UGGT1: variants seen among roughly 807,000 people sequenced by gnomAD.
The protein encoded by UGGT1 is UDP-glucose glycoprotein glucosyltransferase 1.
UGGT1 carries 107 observed loss-of-function variants against 203.9 expected under a neutral mutation model. The observed-to-expected ratio is 0.52, with a 90% CI of 0.45 to 0.62. The LOEUF is 0.62. Among genes scored for constraint, UGGT1 ranks in the 20% least tolerant of loss-of-function variants. UGGT1 has a pLI of 0.00. For missense variants in UGGT1, 1,673 were observed against 1,867.2 expected (o/e 0.90, Z 1.92); for synonymous variants, 628 against 653.5 (o/e 0.96, Z 0.59).
chr2:128,121,040 A>G lies in UGGT1; in HGVS notation c.974-159A>G, dbSNP rs539998352. On this transcript the variant is annotated intron_variant, in intron 9 of 40. Transcript: ENST00000259253. ...AATACTCCAGAGATCTTTGAAGTGA[A>G]TAAAACCTGAAATTAAATCATGGGC... 4.6e-5 allele frequency among the ~76,000 whole-genome samples: 7 copies of G among 152,360 alleles called. No individual in the cohort carries two copies. The East Asian group carries it at 5.8e-4, about 13-fold the overall frequency.
rs61353741 is a variant in UGGT1, at chr2:128,126,684, C to CTTTTT, written c.1135-663_1135-659dup. On this transcript the variant is annotated intron_variant, in intron 11 of 40. Transcript: ENST00000259253. The stretch of plus-strand genomic sequence containing the variant: ...TGCTATTCACCAGCTCAGGGTCAGT[C>CTTTTT]TTTTTTTTTTTTTTTTTTGAGACAG... Among the ~76,000 whole-genome samples the CTTTTT allele has an allele frequency of 8.9e-4, 107 of 119,694 alleles. 4 individuals carry two copies. The highest frequency in any genetic ancestry group is 1.2e-3 in the Non-Finnish European group (73 of 60,468). The allele number at this position is 119,694 out of a possible 152,430, so 78.5% of individuals were successfully genotyped here. A position where few individuals can be genotyped will look rare whatever the true frequency, so the allele number is the denominator to read the frequency against.
Position 128,187,535 on chromosome 2 carries a change from A to C in UGGT1, c.4563A>C (p.Lys1521Asn). The change falls in exon 40 of 41, where the codon AAA becomes AAC. Residue 1521 changes from lysine to asparagine, a missense_variant. This residue lies in a region of UGGT1 where 513 missense variants were observed against 684.1 expected (regional missense o/e 0.75). Coordinates refer to ENST00000259253, the MANE Select transcript of UGGT1 (RefSeq NM_020120.4). ...PEWQDYDQEI[K>N]QLQIRFQKEK... Reference sequence around the variant, plus strand: ...GGCAGGACTACGACCAAGAGATCAAACAGCTACAGATCCGCTTTCAGAAGG... The same window carrying C: ...GGCAGGACTACGACCAAGAGATCAACCAGCTACAGATCCGCTTTCAGAAGG... 1 of 1,614,216 alleles carries C rather than the reference A, an allele frequency of 6.2e-7. No homozygotes were observed. Among genetic ancestry groups the C allele is most frequent in the Non-Finnish European group, 8.5e-7 (1 of 1,180,036 alleles).
intron 22 of UGGT1, among the ~76,000 whole-genome samples, chr2:128,159,093 C>CTT (rs753907632): frequency 9.0e-4 from 99 of 110,438 alleles, no homozygotes; most frequent in African/African-American, 2.4e-3. Flanking sequence ...CTATCTGAGA[C>CTT]TTTTTTTTTT....
At position 128,112,454 on chromosome 2, in the gene UGGT1, T is replaced by TTATACA. The variant is rs1553433489; in HGVS notation, c.522-626_522-625insCATATA. 2.2e-4 allele frequency among the ~76,000 whole-genome samples: 12 copies of TTATACA among 55,806 alleles called. 3 individuals carry two copies. The highest frequency in any genetic ancestry group is 3.4e-4 in the Non-Finnish European group (9 of 26,602). The allele number at this position is 55,806 out of a possible 152,430, so 36.6% of individuals were successfully genotyped here. A position where few individuals can be genotyped will look rare whatever the true frequency, so the allele number is the denominator to read the frequency against. On this transcript the variant is annotated intron_variant, in intron 5 of 40. Transcript: ENST00000259253. ...AAAAAACCCCCCAAAAAATACTATG[T>TTATACA]TATATATATATATATATATTACATA...
intron 38 of UGGT1, among the ~76,000 whole-genome samples, chr2:128,185,040 G>T (rs1691901756): frequency 6.6e-6 from 1 of 152,008 alleles, no homozygotes; most frequent in African/African-American, 2.4e-5. Context: ...AGCTACTATG[G>T]ATCTGATTCT....
At chr2:128,126,980 G>C (rs1309419811) in intron 11 of UGGT1, among the ~76,000 whole-genome samples, 1 of 152,114 alleles carries the variant, frequency 6.6e-6, no homozygotes, top group Non-Finnish European at 1.5e-5. Context: ...TCTGTGCCTG[G>C]CCTGGATCAG....
chr2:128,152,637 G>C, intron 18 of UGGT1, 147 bp from the exon 19 acceptor site: 1 of 1,094,286 alleles, frequency 9.1e-7, no homozygotes, highest in Non-Finnish European at 1.3e-6. Context: ...CAGTGACAGG[G>C]ACCAATAACA....
intron 31 of UGGT1, among the ~76,000 whole-genome samples, chr2:128,176,310 G>T (rs1306282193): frequency 6.6e-6 from 1 of 151,488 alleles, no homozygotes; most frequent in Non-Finnish European, 1.5e-5. Flanking sequence ...CTACCTGAAG[G>T]CTGAAGCAGG....
At chr2:128,123,079 G>A in intron 10 of UGGT1, 107 bp from the exon 11 acceptor site, 1 of 810,254 alleles carries the variant, frequency 1.2e-6, no homozygotes, top group Non-Finnish European at 1.8e-6. Flanking sequence ...TTCCCATTCA[G>A]TTTTTTCTAA....
At chr2:128,162,397 G>C (rs866315229) in intron 25 of UGGT1, among the ~76,000 whole-genome samples, 1 of 151,558 alleles carries the variant, frequency 6.6e-6, no homozygotes, top group Non-Finnish European at 1.5e-5. Flanking sequence ...CTGAGATTGC[G>C]CCACTGCACT....
chr2:128,143,805 A>G (rs2105459797), intron 17 of UGGT1, among the ~76,000 whole-genome samples: 1 of 152,286 alleles, frequency 6.6e-6, no homozygotes, highest in South Asian at 2.1e-4. Flanking sequence ...CAGAAGTCCT[A>G]ACAATCTAAT....
At chr2:128,170,209 G>A in intron 26 of UGGT1, 79 bp from the exon 27 acceptor site, 6 of 1,154,056 alleles carry the variant, frequency 5.2e-6, no homozygotes, top group Non-Finnish European at 7.7e-6. Flanking sequence ...TGCTAAGAAG[G>A]TTGAAGGTTA....
intron 12 of UGGT1, among the ~76,000 whole-genome samples, chr2:128,127,779 A>C (rs983271616): frequency 6.6e-6 from 1 of 152,218 alleles, no homozygotes; most frequent in Non-Finnish European, 1.5e-5. Context: ...TTTATTAAAA[A>C]TAACTGCCTC....
chr2:128,158,883 C>T (rs1043492659), intron 22 of UGGT1, among the ~76,000 whole-genome samples: 3 of 152,024 alleles, frequency 2.0e-5, no homozygotes, highest in Admixed American at 6.6e-5. Flanking sequence ...AAAACAAGTG[C>T]GTTAGAAGAA....
chr2:128,159,405 T>G, intron 22 of UGGT1, 109 bp from the exon 23 acceptor site: 1 of 1,101,044 alleles, frequency 9.1e-7, no homozygotes, highest in Non-Finnish European at 1.3e-6. Context: ...GGCCTGAGAC[T>G]TTTAAGAGAG....
At position 128,179,834 on chromosome 2, in the gene UGGT1, C is replaced by G. The variant is rs1287899937; in HGVS notation, c.3864C>G (p.Phe1288Leu). ...AGAATACCAAGACTCCTGTGAAATT[C>G]TGGTTCTTGAAGAATTACTTGTCCC... Reference protein sequence around the residue: ...VLKNTKTPVKFWFLKNYLSPT... With the variant: ...VLKNTKTPVKLWFLKNYLSPT... Residue 1288 changes from phenylalanine (F) to leucine (L), a missense_variant, in exon 35 of 41, where the codon TTC becomes TTG. Phe to Leu is a conservative substitution (Grantham distance 22). Around this residue, in one of 4 missense-constraint regions of UGGT1, gnomAD observed 513 missense variants for 684.1 expected, o/e 0.75. Coordinates refer to ENST00000259253, the MANE Select transcript of UGGT1 (RefSeq NM_020120.4). 1 of 1,613,926 alleles carries G rather than the reference C, an allele frequency of 6.2e-7. No individual in the cohort carries two copies. The highest frequency in any genetic ancestry group is 1.7e-5 in the Admixed American group (1 of 59,956).
At chr2:128,138,634 T>G in intron 15 of UGGT1, 83 bp from the exon 16 acceptor site, 2 of 1,485,852 alleles carry the variant, frequency 1.3e-6, no homozygotes, top group Non-Finnish European at 1.8e-6. Flanking sequence ...CTATAATGTA[T>G]GAGAAGGGTA....
intron 16 of UGGT1, among the ~76,000 whole-genome samples, chr2:128,141,466 G>A (rs956937742): frequency 1.3e-5 from 2 of 151,936 alleles, no homozygotes; most frequent in African/African-American, 4.8e-5. Context: ...TTAAATGGGC[G>A]TGGTGGCAGG....
At chr2:128,116,218 C>A (rs779355602) in intron 7 of UGGT1, 47 bp from the exon 8 acceptor site, 1 of 1,313,888 alleles carries the variant, frequency 7.6e-7, no homozygotes, top group East Asian at 2.3e-5. Flanking sequence ...GTTTTTGTTT[C>A]AAATCTGAGC....
Sources: allele counts gnomAD v4.1 joint callset (sites outside exome capture counted in the v4.1 genomes callset), GRCh38; gene constraint gnomAD v4.1.1; regional missense constraint gnomAD v4.1.1; transcripts MANE v1.5; gene names NCBI Gene and HGNC (gene_info 2026-07-23, HGNC 2026-07-21).